Variants in DST observed in about 807,000 individuals in gnomAD.
DST encodes bullous pemphigoid antigen.
A neutral mutation model predicts 875.2 loss-of-function variants in DST; 253 were observed. The ratio of observed to expected loss-of-function variants is 0.29; its 90% CI spans 0.26 to 0.32. DST has a LOEUF of 0.32. DST is among the 10% of genes least tolerant of loss of function. The probability of loss-of-function intolerance (pLI) is 1.00; values close to 1 mark genes in which losing one functional copy is unlikely to be tolerated. For missense variants in DST, 8,287 were observed against 9,111.6 expected (o/e 0.91, Z 3.68); for synonymous variants, 3,124 against 3,197.1 (o/e 0.98, Z 0.77).
intron 61 of DST, among the ~76,000 whole-genome samples, chr6:56,550,770 G>A (rs7760640): frequency 0.66 from 100,898 of 152,010 alleles, 33,956 homozygotes; most frequent in Non-Finnish European, 0.7. Context: ...TATAAACAGT[G>A]CTTGGTTACT....
intron 10 of DST, among the ~76,000 whole-genome samples, chr6:56,668,344 C>A (rs1378719689): frequency 6.6e-6 from 1 of 152,094 alleles, no homozygotes; most frequent in African/African-American, 2.4e-5. Context: ...GCAAGTTGAT[C>A]CTGGTTTTTC....
intron 61 of DST, among the ~76,000 whole-genome samples, chr6:56,545,035 C>T (rs1435210059): frequency 6.6e-6 from 1 of 151,946 alleles, no homozygotes; most frequent in African/African-American, 2.4e-5. Context: ...TTTTCTGAGA[C>T]AGGGTCTTGC....
chr6:56,897,339 T>C (rs1791916817), intron 3 of DST, among the ~76,000 whole-genome samples: 1 of 151,830 alleles, frequency 6.6e-6, no homozygotes, highest in South Asian at 2.1e-4. Context: ...TTTATTTATT[T>C]ATTTATTTTT....
intron 54 of DST, among the ~76,000 whole-genome samples, chr6:56,569,102 C>T (rs2097731381): frequency 6.6e-6 from 1 of 152,050 alleles, no homozygotes; most frequent in East Asian, 1.9e-4. Context: ...GCAGGTGGAT[C>T]ATGAGGTCAG....
chr6:56,830,901 T>G (rs2099786172), intron 4 of DST, among the ~76,000 whole-genome samples: 1 of 152,226 alleles, frequency 6.6e-6, no homozygotes, highest in Non-Finnish European at 1.5e-5. Context: ...CATATAAGGA[T>G]GAGCCACAAT....
At chr6:56,718,096 T>C (rs2099401302) in intron 5 of DST, among the ~76,000 whole-genome samples, 1 of 151,842 alleles carries the variant, frequency 6.6e-6, no homozygotes, top group Non-Finnish European at 1.5e-5. Context: ...AATAAATAAA[T>C]AAATAGGTGT....
chr6:56,631,682 T>C (rs138674682), intron 29 of DST, among the ~76,000 whole-genome samples: 1 of 152,296 alleles, frequency 6.6e-6, no homozygotes, highest in East Asian at 1.9e-4. Flanking sequence ...AAGGTGAGCG[T>C]GTACATATTC....
chr6:56,717,390 T>C (rs957207628), intron 5 of DST, among the ~76,000 whole-genome samples: 3 of 151,954 alleles, frequency 2.0e-5, no homozygotes, highest in Non-Finnish European at 4.4e-5. Context: ...AACTGGTCTG[T>C]GGCCCAGGGG....
intron 69 of DST, among the ~76,000 whole-genome samples, chr6:56,521,293 C>A (rs115058900): frequency 0.026 from 3,953 of 151,584 alleles, 92 homozygotes; most frequent in Non-Finnish European, 0.039. Flanking sequence ...GTAAATACTG[C>A]AAGATATCTG....
intron 23 of DST, 85 bp from the exon 24 acceptor site, chr6:56,635,799 T>G: frequency 7.2e-7 from 1 of 1,385,596 alleles, no homozygotes; most frequent in African/African-American, 1.4e-5. Flanking sequence ...CAAGGTCCTA[T>G]GTGTACCCCT....
intron 69 of DST, among the ~76,000 whole-genome samples, 161 bp downstream of exon 69, chr6:56,526,200 C>T (rs904827260): frequency 6.6e-6 from 1 of 152,152 alleles, no homozygotes; most frequent in Admixed American, 6.5e-5. Context: ...GGTGCTCAGA[C>T]GTCGAAGAAG....
At chr6:56,874,359 A>T (rs1778739238) in intron 3 of DST, among the ~76,000 whole-genome samples, 1 of 152,176 alleles carries the variant, frequency 6.6e-6, no homozygotes, top group African/African-American at 2.4e-5. Context: ...TCAATAGATA[A>T]AACTTAAATT....
At chr6:56,953,959 G>A in intron 1 of DST, 140 bp from the exon 2 acceptor site, 1 of 441,304 alleles carries the variant, frequency 2.3e-6, no homozygotes, top group Non-Finnish European at 4.2e-6. Context: ...CCTGGGGGAG[G>A]GAGGAGGAGT....
At chr6:56,734,891 A>T (rs1194016422) in intron 5 of DST, among the ~76,000 whole-genome samples, 1 of 152,198 alleles carries the variant, frequency 6.6e-6, no homozygotes, top group Non-Finnish European at 1.5e-5. Flanking sequence ...GAGAGAAAAA[A>T]AATCTTACTA....
At chr6:56,705,683 A>G (rs914927409) in intron 5 of DST, among the ~76,000 whole-genome samples, 9 of 152,236 alleles carry the variant, frequency 5.9e-5, no homozygotes, top group Admixed American at 1.3e-4. Context: ...CACTGTTTAC[A>G]TAAGTCACAG....
intron 36 of DST, chr6:56,615,973 G>A: frequency 6.2e-7 from 1 of 1,614,180 alleles, no homozygotes; most frequent in Non-Finnish European, 8.5e-7. Flanking sequence ...CGGCCACCCG[G>A]TACTTTTTGC....
At chr6:56,735,342 T>C in intron 4 of DST, 53 bp from the exon 5 acceptor site, 2 of 1,003,996 alleles carry the variant, frequency 2.0e-6, no homozygotes, top group Non-Finnish European at 3.0e-6. Flanking sequence ...TATGAATAGA[T>C]GACTTTGTGA....
chr6:56,881,604 TC>T (rs1782255956), intron 3 of DST, among the ~76,000 whole-genome samples: 1 of 152,144 alleles, frequency 6.6e-6, no homozygotes, highest in South Asian at 2.1e-4. Context: ...ATCTTCAAAC[TC>T]AAAAGTTTAT....
chr6:56,704,808 G>C (rs1166823958), intron 5 of DST, among the ~76,000 whole-genome samples: 1 of 152,110 alleles, frequency 6.6e-6, no homozygotes, highest in Non-Finnish European at 1.5e-5. Flanking sequence ...GAAATCCATA[G>C]ACGTGAGCTG....
Sources: allele counts gnomAD v4.1 joint callset (sites outside exome capture counted in the v4.1 genomes callset), GRCh38; gene constraint gnomAD v4.1.1; transcripts MANE v1.5; gene names NCBI Gene and HGNC (gene_info 2026-07-23, HGNC 2026-07-21).